Variants in GRIN2D observed in about 807,000 individuals in gnomAD.
The protein encoded by GRIN2D is glutamate receptor ionotropic, NMDA 2D.
In GRIN2D, 37 loss-of-function variants were observed where a neutral mutation model predicts 103.2. That is an observed-to-expected ratio of 0.36 (90% CI 0.28 to 0.47). The LOEUF (loss-of-function observed/expected upper bound fraction) is 0.47. Ranked by LOEUF, GRIN2D falls within the 20% of genes least tolerant of loss-of-function variation. The probability of loss-of-function intolerance (pLI) is 1.00; values close to 1 mark genes in which losing one functional copy is unlikely to be tolerated. For missense variants in GRIN2D, 1,557 were observed against 1,910.6 expected, an observed-to-expected ratio of 0.81 and a Z score of 3.45; for synonymous variants, 845 against 885.6, an observed-to-expected ratio of 0.95 and a Z score of 0.81.
At chr19:48,436,395 T>G (rs1380624606) in intron 11 of GRIN2D, among the ~76,000 whole-genome samples, 1 of 152,080 alleles carries the variant, frequency 6.6e-6, no homozygotes, top group African/African-American at 2.4e-5. Flanking sequence ...CCATAGAGTG[T>G]AGGGTCTGTA....
At chr19:48,413,699 A>G (rs998581457) in intron 4 of GRIN2D, among the ~76,000 whole-genome samples, 1 of 151,604 alleles carries the variant, frequency 6.6e-6, no homozygotes, top group Non-Finnish European at 1.5e-5. Context: ...CCTGGGAAAA[A>G]TAGTGAAACC....
chr19:48,415,239 C>CG (rs1386299333), intron 7 of GRIN2D, among the ~76,000 whole-genome samples: 6 of 151,998 alleles, frequency 3.9e-5, no homozygotes, highest in African/African-American at 1.4e-4. Flanking sequence ...TGCGTGGTGG[C>CG]GGGCGCCTGT....
Position 48,404,862 on chromosome 19 carries a change from G to C in GRIN2D, c.594G>C (p.Arg198=), listed in dbSNP as rs745987713. ...VAVTTRAPGH[R]AFLSYIEVLT... ...TGACCACTCGTGCCCCTGGCCACCG[G>C]GCCTTCCTGTCCTACATTGAGGTGC... Residue 198 remains arginine, a synonymous_variant, in exon 4 of 14, where the codon CGG becomes CGC. Coordinates refer to ENST00000263269, the MANE Select transcript of GRIN2D (RefSeq NM_000836.4). 1.9e-6 allele frequency: 3 copies of C among 1,614,220 alleles called. No individual in the cohort carries two copies. The South Asian group carries it at 3.3e-5, about 18-fold the overall frequency.
chr19:48,427,472 CTTTTT>C (rs1038381293), intron 11 of GRIN2D, among the ~76,000 whole-genome samples: 1 of 83,240 alleles, frequency 1.2e-5, no homozygotes, highest in Non-Finnish European at 2.2e-5. Context: ...ATCTTCTTTT[CTTTTT>C]TTTTTTTTTT....
chr19:48,435,838 G>A (rs1971222773), intron 11 of GRIN2D, among the ~76,000 whole-genome samples: 1 of 152,260 alleles, frequency 6.6e-6, no homozygotes, highest in African/African-American at 2.4e-5. Flanking sequence ...CAAAGTCCCT[G>A]CCTCATGGAA....
chr19:48,399,483 G>C (rs1287531862), intron 3 of GRIN2D, among the ~76,000 whole-genome samples: 1 of 152,210 alleles, frequency 6.6e-6, no homozygotes, highest in East Asian at 1.9e-4. Flanking sequence ...CAAGAGAATT[G>C]CTTGAATCCG....
rs1318937826 is a variant in GRIN2D at position 48,393,794 on chromosome 19, G to C, written c.-380G>C. Among the ~76,000 whole-genome samples, 1 of 152,144 alleles carries C rather than the reference G, an allele frequency of 6.6e-6. No individual in the cohort carries two copies. The highest frequency in any genetic ancestry group is 2.4e-5 in the African/African-American group (1 of 41,428). On this transcript the variant is annotated 5_prime_UTR_variant, in exon 1 of 14. Coordinates refer to ENST00000263269, the MANE Select transcript of GRIN2D (RefSeq NM_000836.4). The surrounding 1 kb of genome is among the most constrained non-coding windows in gnomAD (Gnocchi z 5.6). The stretch of plus-strand genomic sequence containing the variant: ...CCTCCCGCAGCCTCCCTCGGCCACC[G>C]GTGCCTGCTGGGGGTGTTGCCTGGG...
intron 3 of GRIN2D, among the ~76,000 whole-genome samples, chr19:48,401,725 G>C (rs1408083205): frequency 6.6e-6 from 1 of 152,222 alleles, no homozygotes; most frequent in Non-Finnish European, 1.5e-5. Flanking sequence ...GTTTTCAATT[G>C]AGAAGGGATG....
chr19:48,398,801 A>G lies in GRIN2D; in HGVS notation c.409A>G (p.Thr137Ala). ...APILDFLSAQ[T>A]SLPIVAVHGG... Reference sequence around the variant, plus strand: ...CATCCTCGACTTCCTGTCGGCGCAGACCTCGCTGCCCATCGTGGCCGTGCA... The same window carrying G: ...CATCCTCGACTTCCTGTCGGCGCAGGCCTCGCTGCCCATCGTGGCCGTGCA... Residue 137 changes from threonine to alanine, a missense_variant, in exon 3 of 14, where the codon ACC becomes GCC. Coordinates refer to ENST00000263269, the MANE Select transcript of GRIN2D (RefSeq NM_000836.4). 1.4e-6 allele frequency: 2 copies of G among 1,453,420 alleles called. No homozygotes were observed. The highest frequency in any genetic ancestry group is 1.8e-6 in the Non-Finnish European group (2 of 1,107,928). The allele number at this position is 1,453,420 out of a possible 1,614,324, so 90.0% of individuals were successfully genotyped here.
Position 48,443,097 on chromosome 19 carries a change from GC to G in GRIN2D, c.3174del (p.Ala1059ArgfsTer459). On this transcript the variant is annotated frameshift_variant, in exon 14 of 14. Coordinates refer to ENST00000263269, the MANE Select transcript of GRIN2D (RefSeq NM_000836.4). LOFTEE classifies it high-confidence loss of function. This position sits in a 1 kb window ranked among gnomAD's most constrained non-coding sequence, Gnocchi z 8.9. ...CCTTCGAGGACGAGAGCCCGCCGGC[GC>G]CCGCGCGGTGGCCGCGCTCGGACCC... Reference protein sequence around the residue: ...LAFEDESPPAPARWPRSDPES... With the variant: ...LAFEDESPPAXARWPRSDPES... 2.0e-6 allele frequency: 2 copies of G among 1,024,378 alleles called. No individual in the cohort carries two copies. Among genetic ancestry groups the G allele is most frequent in the Admixed American group, 5.2e-5 (1 of 19,266 alleles). The allele number at this position is 1,024,378 out of a possible 1,614,324, so 63.5% of individuals were successfully genotyped here. A position where few individuals can be genotyped will look rare whatever the true frequency, so the allele number is the denominator to read the frequency against.
chr19:48,408,289 G>C (rs955453651), intron 4 of GRIN2D, among the ~76,000 whole-genome samples: 2 of 148,046 alleles, frequency 1.4e-5, no homozygotes, highest in African/African-American at 5.0e-5. Flanking sequence ...AGCCGAGATC[G>C]AGCCACTGCA....
At chr19:48,395,564 G>A (rs886979690) in intron 2 of GRIN2D, among the ~76,000 whole-genome samples, 2 of 152,056 alleles carry the variant, frequency 1.3e-5, no homozygotes, top group Non-Finnish European at 2.9e-5. Context: ...GAGGTTGTGG[G>A]GGGAGCTGTT....
chr19:48,429,737 G>GTC (rs1971134097), intron 11 of GRIN2D, among the ~76,000 whole-genome samples: 1 of 151,380 alleles, frequency 6.6e-6, no homozygotes, highest in African/African-American at 2.4e-5. Flanking sequence ...GTGTGTGTGT[G>GTC]TGTAGAGATG....
chr19:48,441,362 CAAAAAAAA>C (rs1173219939), intron 11 of GRIN2D, among the ~76,000 whole-genome samples: 2 of 127,326 alleles, frequency 1.6e-5, no homozygotes, highest in Admixed American at 1.6e-4. Flanking sequence ...GACTCTGTCT[CAAAAAAAA>C]AAAAAAAAAA....
intron 2 of GRIN2D, among the ~76,000 whole-genome samples, chr19:48,395,289 G>A (rs1056220360): frequency 4.2e-5 from 6 of 142,150 alleles, no homozygotes; most frequent in African/African-American, 1.1e-4. Flanking sequence ...TCCCCCCATC[G>A]CGAGCCGGTC....
Position 48,424,340 on chromosome 19 carries a change from G to A in GRIN2D, c.2252+2395G>A, listed in dbSNP as rs1259652397. ...GGCTGGAGTGCAGTGGCACAATCTC[G>A]GCTCACTGCAAGCGCCGCCTCCCGG... On this transcript the variant is annotated intron_variant, in intron 11 of 13. Transcript: ENST00000263269. Among the ~76,000 whole-genome samples, 12 of 141,796 alleles carry A rather than the reference G, an allele frequency of 8.5e-5. No individual in the cohort carries two copies. The South Asian group carries it at 1.5e-3, about 18-fold the overall frequency. 93.0% of individuals were successfully genotyped at this position (141,796 alleles called of 152,430 possible).
intron 3 of GRIN2D, among the ~76,000 whole-genome samples, chr19:48,402,115 G>GGAAAGAAT (rs1970717888): frequency 1.1e-5 from 1 of 88,024 alleles, no homozygotes; most frequent in Non-Finnish European, 2.1e-5. Context: ...AGAAAGAGAA[G>GGAAAGAAT]GAAAGAAAGA....
In GRIN2D at chr19:48,393,672, CGAGT is replaced by C. The variant is rs375766555; in HGVS notation, c.-496_-493del. On this transcript the variant is annotated 5_prime_UTR_variant, in exon 1 of 14. Transcript: ENST00000263269. The surrounding 1 kb of genome is among the most constrained non-coding windows in gnomAD (Gnocchi z 5.6). ...CGGGGACTGAATGTTAATCGCATCCCGAGTGAGTGTGTGTGTGCGAGAACACAGC... is the reference window on the plus strand; with the variant it reads ...CGGGGACTGAATGTTAATCGCATCCCGAGTGTGTGTGTGCGAGAACACAGC... Among the ~76,000 whole-genome samples, 1,165 of 152,124 alleles carry C rather than the reference CGAGT, an allele frequency of 7.7e-3. 16 individuals are homozygous for C. Among genetic ancestry groups the C allele is most frequent in the African/African-American group, 0.026 (1,094 of 41,478 alleles).
At chr19:48,410,022 T>C (rs1231486858) in intron 4 of GRIN2D, among the ~76,000 whole-genome samples, 5 of 151,286 alleles carry the variant, frequency 3.3e-5, no homozygotes, top group African/African-American at 1.2e-4. Context: ...TGACCTCAAG[T>C]GATCTGCCCC....
Sources: allele counts gnomAD v4.1 joint callset (sites outside exome capture counted in the v4.1 genomes callset), GRCh38; gene constraint gnomAD v4.1.1; non-coding constraint Gnocchi (gnomAD v3.1); transcripts MANE v1.5; gene names NCBI Gene and HGNC (gene_info 2026-07-23, HGNC 2026-07-21).